The following SLC26A3 variants were observed in gnomAD, a reference collection of about 807,000 sequenced individuals.
The protein encoded by SLC26A3 is chloride anion exchanger.
Under a neutral mutation model 85.6 loss-of-function variants are expected in SLC26A3, and 64 were observed. The ratio of observed to expected loss-of-function variants is 0.75; its 90% CI spans 0.61 to 0.92. SLC26A3 has a LOEUF of 0.92. Among genes scored for constraint, SLC26A3 ranks in the 40% least tolerant of loss-of-function variants. SLC26A3 has a pLI of 0.00. For missense variants in SLC26A3, 922 were observed against 927.3 expected (o/e 0.99, Z 0.07); for synonymous variants, 349 against 336.0 (o/e 1.04, Z -0.42).
At chr7:107,798,775 G>A (rs1297772416) in intron 1 of SLC26A3, among the ~76,000 whole-genome samples, 1 of 152,160 alleles carries the variant, frequency 6.6e-6, no homozygotes. Flanking sequence ...CACTGTGCCT[G>A]AAATCTGCTG....
chr7:107,768,724 T>A (rs1435216182), intron 18 of SLC26A3, among the ~76,000 whole-genome samples: 1 of 152,238 alleles, frequency 6.6e-6, no homozygotes, highest in Admixed American at 6.5e-5. Context: ...GATCATGTAC[T>A]ATGAAAATTC....
At chr7:107,791,011 A>T in intron 5 of SLC26A3, 37 bp downstream of exon 5, 4 of 1,604,034 alleles carry the variant, frequency 2.5e-6, no homozygotes, top group Non-Finnish European at 3.4e-6. Context: ...CAAGATGAAC[A>T]GATTGAGGTG....
At chr7:107,774,517 G>A (rs1794079168) in intron 16 of SLC26A3, among the ~76,000 whole-genome samples, 1 of 152,194 alleles carries the variant, frequency 6.6e-6, no homozygotes, top group African/African-American at 2.4e-5. Context: ...TCGCACCACT[G>A]CGCTCCAGCC....
chr7:107,784,729 T>A (rs1400208578), intron 8 of SLC26A3, among the ~76,000 whole-genome samples: 2 of 152,130 alleles, frequency 1.3e-5, no homozygotes, highest in African/African-American at 4.8e-5. Context: ...ATGGCGCCCG[T>A]CCTTGTTCTC....
chr7:107,794,891 C>CT (rs990593046), intron 1 of SLC26A3, among the ~76,000 whole-genome samples: 4 of 152,154 alleles, frequency 2.6e-5, no homozygotes, highest in African/African-American at 9.7e-5. Context: ...TTCTCATCAA[C>CT]TTTTTTTCCC....
Position 107,767,486 on chromosome 7 carries a change from C to G in SLC26A3, c.2271+93G>C, listed in dbSNP as rs1793933774. On this transcript the variant is annotated intron_variant, in intron 20 of 20. Transcript: ENST00000340010. Reference sequence around the variant, plus strand: ...CACAGAGGCTCAAGCAAGTGCTGGACTTTCTGCCACATGCAGGAAGTGGCC... The same window carrying G: ...CACAGAGGCTCAAGCAAGTGCTGGAGTTTCTGCCACATGCAGGAAGTGGCC... The G allele has an allele frequency of 4.3e-6, 4 of 926,766 alleles. No homozygotes were observed. In the Admixed American group the frequency reaches 7.5e-5, roughly 17 times the overall value. The allele number at this position is 926,766 out of a possible 1,614,324, so 57.4% of individuals were successfully genotyped here.
At chr7:107,797,624 C>A (rs1017544121) in intron 1 of SLC26A3, among the ~76,000 whole-genome samples, 1 of 152,156 alleles carries the variant, frequency 6.6e-6, no homozygotes, top group South Asian at 2.1e-4. Flanking sequence ...GTGTAACATA[C>A]AATGTGGGCC....
intron 2 of SLC26A3, 136 bp from the exon 3 acceptor site, chr7:107,794,017 C>A: frequency 8.6e-7 from 1 of 1,167,922 alleles, no homozygotes. Flanking sequence ...CATTCTTTAC[C>A]CATAATCAGC....
Position 107,774,133 on chromosome 7 carries a change from A to G in SLC26A3, c.1794T>C (p.Val598=). The G allele has an allele frequency of 1.2e-6, 2 of 1,613,834 alleles. No individual in the cohort carries two copies. The highest frequency in any genetic ancestry group is 1.7e-6 in the Non-Finnish European group (2 of 1,179,688). ...QVTPKGFICT[V]DTIKDSDEEL... ...CTTCGTCAGAATCTTTTATGGTGTC[A>G]ACAGTACATATAAATCCTTTCTGCA... Residue 598 remains valine (V), a synonymous_variant, in exon 17 of 21, where the codon GTT becomes GTC. Transcript: ENST00000340010.
intron 5 of SLC26A3, 143 bp downstream of exon 5, chr7:107,790,905 T>A (rs1187684224): frequency 4.6e-6 from 4 of 871,248 alleles, no homozygotes; most frequent in South Asian, 1.4e-5. Context: ...TGACCCTTCG[T>A]ACAGTATTTC....
chr7:107,781,118 ATTACTT>A (rs1243462034), intron 11 of SLC26A3, among the ~76,000 whole-genome samples: 1 of 152,172 alleles, frequency 6.6e-6, no homozygotes, highest in African/African-American at 2.4e-5. Context: ...TATACAACAG[ATTACTT>A]TTAAAGTAAA....
chr7:107,769,996 TTTTCTCTTTCTTTC>T (rs1360435777), intron 18 of SLC26A3, among the ~76,000 whole-genome samples: 2 of 135,164 alleles, frequency 1.5e-5, no homozygotes, highest in African/African-American at 5.5e-5. Context: ...TTCCTTCCTT[TTTTCTCTTTCTTTC>T]TTTCTTTCTT....
At chr7:107,800,666 T>C (rs1794583311) in intron 1 of SLC26A3, among the ~76,000 whole-genome samples, 1 of 152,246 alleles carries the variant, frequency 6.6e-6, no homozygotes, top group Non-Finnish European at 1.5e-5. Context: ...ACAAGAAAGT[T>C]TGTTGAAATA....
chr7:107,790,242 G>T (rs539344698), intron 5 of SLC26A3, among the ~76,000 whole-genome samples: 1 of 152,298 alleles, frequency 6.6e-6, no homozygotes, highest in East Asian at 1.9e-4. Context: ...TTGCAATCGA[G>T]TGAATCGGAT....
In SLC26A3 at chr7:107,765,862, T is replaced by G. The variant is rs746542385; in HGVS notation, c.2288A>C (p.Lys763Thr). 2 of 1,611,138 alleles carry G rather than the reference T, an allele frequency of 1.2e-6. No individual in the cohort carries two copies. The highest frequency in any genetic ancestry group is 4.5e-5 in the East Asian group (2 of 44,796). The change falls in exon 21 of 21, where the codon AAA becomes ACA. Residue 763 changes from lysine (K) to threonine (T), a missense_variant. Physicochemically the swap from Lys to Thr is moderately conservative, Grantham distance 78. Transcript: ENST00000340010. ...TTCTGAATTATATGTTGATTAGAATTTTGTTTCAACTGGCACCTGGAAGAA... is the reference window on the plus strand; with the variant it reads ...TTCTGAATTATATGTTGATTAGAATGTTGTTTCAACTGGCACCTGGAAGAA... ...NRVYEVPVETKF is the reference protein window; with the variant it reads ...NRVYEVPVETTF
intron 13 of SLC26A3, among the ~76,000 whole-genome samples, chr7:107,777,413 C>T (rs869235399): frequency 5.3e-5 from 8 of 152,020 alleles, no homozygotes; most frequent in Admixed American, 2.6e-4. Flanking sequence ...CTGGCCAACA[C>T]GGTGAAACCC....
chr7:107,796,344 C>A (rs894209242), intron 1 of SLC26A3, among the ~76,000 whole-genome samples: 11 of 152,140 alleles, frequency 7.2e-5, no homozygotes, highest in African/African-American at 2.2e-4. Context: ...TAGGCTTAAG[C>A]AATCCTTCAA....
chr7:107,769,265 G>A (rs1295237826), intron 18 of SLC26A3, among the ~76,000 whole-genome samples: 1 of 152,032 alleles, frequency 6.6e-6, no homozygotes, highest in Non-Finnish European at 1.5e-5. Context: ...CTTTTATAAA[G>A]ACGCATGCAT....
chr7:107,770,048 T>C (rs974180896), intron 18 of SLC26A3, among the ~76,000 whole-genome samples: 1 of 122,516 alleles, frequency 8.2e-6, no homozygotes, highest in African/African-American at 3.0e-5. Flanking sequence ...CTTTCTTTCT[T>C]TCTCTTTTCT....
Sources: allele counts gnomAD v4.1 joint callset (sites outside exome capture counted in the v4.1 genomes callset), GRCh38; gene constraint gnomAD v4.1.1; transcripts MANE v1.5; gene names NCBI Gene and HGNC (gene_info 2026-07-23, HGNC 2026-07-21).